The following ZDHHC11 variants were observed in gnomAD, a reference collection of about 807,000 sequenced individuals.
ZDHHC11 encodes palmitoyltransferase ZDHHC11.
In ZDHHC11, 44 loss-of-function variants were observed where a neutral mutation model predicts 51.3. The ratio of observed to expected loss-of-function variants is 0.86; its 90% CI spans 0.67 to 1.10. ZDHHC11 has a LOEUF of 1.10. Among genes scored for constraint, ZDHHC11 ranks in the 50% least tolerant of loss-of-function variants. ZDHHC11 has a pLI of 0.00. For missense variants in ZDHHC11, 400 were observed against 537.7 expected (o/e 0.74, Z 2.53); for synonymous variants, 163 against 222.0 (o/e 0.73, Z 2.36).
chr5:857,374 C>T (rs766559489), intron 1 of ZDHHC11, among the ~76,000 whole-genome samples: 15 of 152,192 alleles, frequency 9.9e-5, no homozygotes, highest in Non-Finnish European at 2.1e-4. Flanking sequence ...AGAACCAGCC[C>T]CTGCCACAGA....
chr5:797,660 T>C (rs1322287865), intron 12 of ZDHHC11, among the ~76,000 whole-genome samples: 1 of 151,526 alleles, frequency 6.6e-6, no homozygotes, highest in Admixed American at 6.6e-5. Context: ...AAAAATAGTT[T>C]TCTGTTCTCT....
At chr5:859,908 T>C (rs1178002232), upstream of ZDHHC11, among the ~76,000 whole-genome samples, 1 of 152,168 alleles carries the variant, frequency 6.6e-6, no homozygotes, top group East Asian at 1.9e-4. Context: ...CTGCTGACGC[T>C]GACTTTGGGG....
chr5:845,049 C>T (rs1440913126), intron 3 of ZDHHC11, among the ~76,000 whole-genome samples: 1 of 152,290 alleles, frequency 6.6e-6, no homozygotes, highest in African/African-American at 2.4e-5. Context: ...GAGGCCAGAG[C>T]ATGAATGCCG....
intron 10 of ZDHHC11, among the ~76,000 whole-genome samples, chr5:818,075 C>T (rs6871101): frequency 0.23 from 34,639 of 150,474 alleles, 6,486 homozygotes; most frequent in African/African-American, 0.49. Flanking sequence ...CACGGAGACG[C>T]GGGCTTGGGA....
chr5:851,466 C>T (rs56226117), upstream of ZDHHC11, among the ~76,000 whole-genome samples: 1,748 of 152,258 alleles, frequency 0.011, 28 homozygotes, highest in African/African-American at 0.039. Context: ...TAGGAAGCTT[C>T]GCCACGTTAT....
intron 1 of ZDHHC11, among the ~76,000 whole-genome samples, chr5:850,088 G>A (rs13159775): frequency 0.11 from 16,779 of 152,324 alleles, 1,238 homozygotes; most frequent in Non-Finnish European, 0.16. Context: ...GGATTTTAGC[G>A]GAAGGCTGCC....
intron 12 of ZDHHC11, among the ~76,000 whole-genome samples, chr5:800,676 A>G (rs1382013158): frequency 2.6e-5 from 4 of 151,414 alleles, no homozygotes; most frequent in African/African-American, 4.9e-5. Flanking sequence ...ACTGCATTCT[A>G]TGGATCGTCC....
upstream of ZDHHC11, among the ~76,000 whole-genome samples, chr5:851,560 G>C (rs769491548): frequency 6.6e-6 from 1 of 152,216 alleles, no homozygotes; most frequent in African/African-American, 2.4e-5. Context: ...TTTGAGAAGA[G>C]AGACATTGAG....
chr5:819,555 AC>A lies in ZDHHC11; in HGVS notation c.1115del (p.Arg372LeufsTer32). On this transcript the variant is annotated frameshift_variant, in exon 10 of 13. Transcript: ENST00000283441. LOFTEE classifies it high-confidence loss of function. Reference protein sequence around the residue: ...ICRRLCQFSTRVHPDGGSMAQ... With the variant: ...ICRRLCQFSTXVHPDGGSMAQ... ...CCATCGAGCCCCCGTCTGGGTGTAC[AC>A]GAGTGGAGAACTGACACAGGCGCCT... 2 of 1,609,908 alleles carry A rather than the reference AC, an allele frequency of 1.2e-6. No homozygotes were observed. Among genetic ancestry groups the A allele is most frequent in the Non-Finnish European group, 1.7e-6 (2 of 1,176,704 alleles).
At chr5:840,848 C>A in intron 4 of ZDHHC11, 198 bp from the exon 5 acceptor site, 1 of 1,467,258 alleles carries the variant, frequency 6.8e-7, no homozygotes, top group Non-Finnish European at 9.0e-7. Context: ...TTTTCATGAT[C>A]CCTGCTTTAT....
chr5:858,643 C>T (rs754141320), intron 1 of ZDHHC11, among the ~76,000 whole-genome samples: 22 of 152,196 alleles, frequency 1.4e-4, no homozygotes, highest in Non-Finnish European at 2.4e-4. Context: ...TGCTCAGCCA[C>T]GCTTTTTCCA....
At chr5:808,565 T>G (rs1214358103) in intron 11 of ZDHHC11, among the ~76,000 whole-genome samples, 8 of 150,258 alleles carry the variant, frequency 5.3e-5, no homozygotes, top group Non-Finnish European at 1.2e-4. Flanking sequence ...AGACGTAGTC[T>G]CACTCTGTCA....
At chr5:856,697 G>A (rs372670826) in intron 1 of ZDHHC11, among the ~76,000 whole-genome samples, 3 of 147,268 alleles carry the variant, frequency 2.0e-5, no homozygotes, top group African/African-American at 5.1e-5. Flanking sequence ...AACCACAAAC[G>A]CATCACTCTC....
intron 11 of ZDHHC11, among the ~76,000 whole-genome samples, chr5:805,412 A>G (rs1383203400): frequency 6.6e-6 from 1 of 150,984 alleles, no homozygotes; most frequent in Admixed American, 6.6e-5. Context: ...AGCCTGGGCA[A>G]CAGACTGAGT....
At chr5:825,616 T>G (rs1742252618) in intron 7 of ZDHHC11, among the ~76,000 whole-genome samples, 1 of 152,200 alleles carries the variant, frequency 6.6e-6, no homozygotes, top group Admixed American at 6.5e-5. Context: ...GAACAGCATG[T>G]GGAGACTCAT....
rs569860828 is a variant in ZDHHC11 at position 825,001 on chromosome 5, C to T, written c.1023+163G>A. On this transcript the variant is annotated intron_variant, in intron 8 of 12. Coordinates refer to ENST00000283441, the MANE Select transcript of ZDHHC11 (RefSeq NM_024786.3). Reference sequence around the variant, plus strand: ...AGCATTCCTGCCTCTCACTCCATCTCTCTTCTGTGCTCCACCCACCATCAT... The same window carrying T: ...AGCATTCCTGCCTCTCACTCCATCTTTCTTCTGTGCTCCACCCACCATCAT... 6.3e-4 allele frequency among the ~76,000 whole-genome samples: 95 copies of T among 151,678 alleles called. 4 individuals are homozygous for T. The Middle Eastern group carries it at 0.02, about 33-fold the overall frequency.
At position 815,938 on chromosome 5, in the gene ZDHHC11, T is replaced by G. The variant is rs1427066564; in HGVS notation, c.1147-1143A>C. 9.9e-5 allele frequency among the ~76,000 whole-genome samples: 15 copies of G among 151,504 alleles called. 2 individuals are homozygous for G. The highest frequency in any genetic ancestry group is 3.6e-4 in the African/African-American group (15 of 41,300). On this transcript the variant is annotated intron_variant, in intron 10 of 12. Transcript: ENST00000283441. Reference sequence around the variant, plus strand: ...TTGTTGATCATTTTTATTGTAGCCTTTCTAACATGGGTGCCATGCTATCTT... The same window carrying G: ...TTGTTGATCATTTTTATTGTAGCCTGTCTAACATGGGTGCCATGCTATCTT...
At chr5:854,439 A>G (rs1208063721), upstream of ZDHHC11, among the ~76,000 whole-genome samples, 2 of 139,636 alleles carry the variant, frequency 1.4e-5, no homozygotes, top group Admixed American at 7.2e-5. Context: ...GAGGACAGAG[A>G]GCCGGGGAGA....
chr5:822,006 A>G, intron 8 of ZDHHC11, 111 bp from the exon 9 acceptor site: 1 of 946,822 alleles, frequency 1.1e-6, no homozygotes, highest in South Asian at 1.6e-5. Flanking sequence ...GAGTAATGGT[A>G]CATCAAGGTT....
Sources: gnomAD v4.1 joint callset for allele counts (sites outside exome capture counted in the v4.1 genomes callset) on GRCh38, gnomAD v4.1.1 for gene constraint, MANE v1.5 for transcripts, NCBI Gene and HGNC (gene_info 2026-07-23, HGNC 2026-07-21) for gene names.